Variants in PTGDR observed in about 807,000 individuals in gnomAD.
PTGDR encodes PGD2 receptor.
A neutral mutation model predicts 17.4 loss-of-function variants in PTGDR; 19 were observed. The observed-to-expected ratio is 1.09, with a 90% CI of 0.76 to 1.60. PTGDR has a LOEUF of 1.60. Among genes scored for constraint, PTGDR ranks in the 40% most tolerant of loss-of-function variants. The pLI is 0.00. For missense variants in PTGDR, 526 were observed against 481.9 expected, an observed-to-expected ratio of 1.09 and a Z score of -0.86; for synonymous variants, 267 against 224.2, an observed-to-expected ratio of 1.19 and a Z score of -1.71.
intron 1 of PTGDR, among the ~76,000 whole-genome samples, chr14:52,270,434 T>G (rs1165740954): frequency 1.3e-5 from 2 of 152,070 alleles, no homozygotes; most frequent in Non-Finnish European, 2.9e-5. Context: ...TCCCAGCTTC[T>G]CAGGAGGCTG....
At position 52,268,006 on chromosome 14, in the gene PTGDR, G is replaced by T; in HGVS notation, c.192G>T (p.Leu64=). Residue 64 remains leucine, a synonymous_variant, in exon 1 of 2, where the codon CTG becomes CTT. Transcript: ENST00000306051. ...CGCTGCCCTCGGTCTTCTACATGCT[G>T]GTGTGTGGCCTGACGGTCACCGACT... ...LRPLPSVFYM[L]VCGLTVTDLL... 6.2e-7 allele frequency: 1 copy of T among 1,610,372 alleles called. No individual in the cohort carries two copies. Among genetic ancestry groups the T allele is most frequent in the Admixed American group, 1.7e-5 (1 of 60,026 alleles).
chr14:52,273,219 GC>G (rs1330116115), intron 1 of PTGDR, among the ~76,000 whole-genome samples: 1 of 151,782 alleles, frequency 6.6e-6, no homozygotes, highest in Non-Finnish European at 1.5e-5. Flanking sequence ...CACCATGTTG[GC>G]CAGGCTGGTC....
At chr14:52,268,742 G>A (rs1304547312) in intron 1 of PTGDR, 82 bp downstream of exon 1, 3 of 1,421,564 alleles carry the variant, frequency 2.1e-6, no homozygotes, top group Non-Finnish European at 2.8e-6. Context: ...AGCGGATCGG[G>A]ATGGACGCGG....
At chr14:52,272,006 T>C (rs1456204887) in intron 1 of PTGDR, among the ~76,000 whole-genome samples, 2 of 152,210 alleles carry the variant, frequency 1.3e-5, no homozygotes, top group Non-Finnish European at 2.9e-5. Context: ...CTCCTCAAAG[T>C]GGAGTGTGGC....
At chr14:52,274,278 T>A (rs2033377515) in intron 1 of PTGDR, among the ~76,000 whole-genome samples, 1 of 152,358 alleles carries the variant, frequency 6.6e-6, no homozygotes, top group East Asian at 1.9e-4. Context: ...TGTGACTTAT[T>A]TCTGAGAGAA....
chr14:52,268,531 C>CA lies in PTGDR; in HGVS notation c.718dup (p.Thr240AsnfsTer52), dbSNP rs2140001933. The CA allele has an allele frequency of 6.2e-7, 1 of 1,612,476 alleles. No individual in the cohort carries two copies. The highest frequency in any genetic ancestry group is 2.2e-5 in the East Asian group (1 of 44,866). ...GGCTGCAGCGGCACCCGCGCTCCTG[C>CA]ACCAGGGACTGTGCCGAGCCGCGCG... is the stretch of plus-strand genomic sequence containing the variant. On this transcript the variant is annotated frameshift_variant, in exon 1 of 2. Transcript: ENST00000306051. LOFTEE classifies it high-confidence loss of function.
Position 52,275,968 on chromosome 14 carries a change from A to T in PTGDR, c.*1004A>T, listed in dbSNP as rs2033417128. On this transcript the variant is annotated 3_prime_UTR_variant, in exon 2 of 2. Coordinates refer to ENST00000306051, the MANE Select transcript of PTGDR (RefSeq NM_000953.3). ...TTAACATCTACCTTAACAGCTACCT[A>T]TTACAGCCGTATTCTGCTGTCCGTG... 6.6e-6 allele frequency: 1 copy of T among 152,630 alleles called. No individual in the cohort carries two copies. Among genetic ancestry groups the T allele is most frequent in the South Asian group, 2.1e-4 (1 of 4,832 alleles). 9.5% of individuals were successfully genotyped at this position (152,630 alleles called of 1,614,324 possible).
chr14:52,277,139 A>G (rs1039501841), downstream of PTGDR, among the ~76,000 whole-genome samples: 2 of 152,226 alleles, frequency 1.3e-5, no homozygotes, highest in Non-Finnish European at 2.9e-5. Flanking sequence ...ATAAGACTCA[A>G]TCATGGTTCA....
chr14:52,269,545 C>T, intron 1 of PTGDR: 1 of 1,526,830 alleles, frequency 6.5e-7, no homozygotes, highest in Non-Finnish European at 8.8e-7. Flanking sequence ...TCCCAAGGTA[C>T]CTGTTCAACA....
chr14:52,269,621 T>C, intron 1 of PTGDR: 1 of 1,154,890 alleles, frequency 8.7e-7, no homozygotes, highest in African/African-American at 1.6e-5. Context: ...CTTCTGTGAA[T>C]AGGAAAGTTG....
At chr14:52,268,987 G>A (rs1192609481) in intron 1 of PTGDR, among the ~76,000 whole-genome samples, 5 of 151,994 alleles carry the variant, frequency 3.3e-5, no homozygotes, top group African/African-American at 1.2e-4. Context: ...TCATTTTTGC[G>A]CCTTAGGAGG....
At position 52,267,723 on chromosome 14, in the gene PTGDR, G is replaced by C. The variant is rs199923439; in HGVS notation, c.-92G>C. The C allele has an allele frequency of 9.0e-6, 13 of 1,437,656 alleles. No homozygotes were observed. Among genetic ancestry groups the C allele is most frequent in the African/African-American group, 2.9e-5 (2 of 68,454 alleles). 89.1% of individuals were successfully genotyped at this position (1,437,656 alleles called of 1,614,324 possible). On this transcript the variant is annotated 5_prime_UTR_variant, in exon 1 of 2. Coordinates refer to ENST00000306051, the MANE Select transcript of PTGDR (RefSeq NM_000953.3). ...GTGGCGCAGCTTCTCCGCCCGAGCC[G>C]CGCGCGGAGCTGCCGGGGGCTCCTT...
rs2033398715 is a variant in PTGDR at position 52,275,071 on chromosome 14, C to T, written c.*107C>T. On this transcript the variant is annotated 3_prime_UTR_variant, in exon 2 of 2. Transcript: ENST00000306051. ...TTACAATTTAAATCCTTAAAAGTTA[C>T]CTCCCATAACAAAAGCATGTATATG... The T allele has an allele frequency of 2.3e-6, 2 of 866,842 alleles. No individual in the cohort carries two copies. The highest frequency in any genetic ancestry group is 1.8e-5 in the South Asian group (1 of 54,670). 53.7% of individuals were successfully genotyped at this position (866,842 alleles called of 1,614,324 possible).
intron 1 of PTGDR, among the ~76,000 whole-genome samples, chr14:52,271,116 T>C (rs1213798573): frequency 6.6e-6 from 1 of 152,234 alleles, no homozygotes; most frequent in Non-Finnish European, 1.5e-5. Context: ...TCCTCATCTG[T>C]AAAATGATTA....
At position 52,276,512 on chromosome 14, in the gene PTGDR, G is replaced by C. The variant is rs201968681; in HGVS notation, c.*1548G>C. The stretch of plus-strand genomic sequence containing the variant: ...GAAAAAGCCAAATTAGGCATACAAG[G>C]AGTATGATTTAACAGTATGACATGA... On this transcript the variant is annotated 3_prime_UTR_variant, in exon 2 of 2. Coordinates refer to ENST00000306051, the MANE Select transcript of PTGDR (RefSeq NM_000953.3). The C allele has an allele frequency of 1.3e-5, 2 of 152,264 alleles. No individual in the cohort carries two copies. The highest frequency in any genetic ancestry group is 2.1e-4 in the South Asian group (1 of 4,826). 9.4% of individuals were successfully genotyped at this position (152,264 alleles called of 1,614,324 possible).
chr14:52,279,828 G>C (rs117862659), downstream of PTGDR, among the ~76,000 whole-genome samples: 1 of 150,586 alleles, frequency 6.6e-6, no homozygotes. Context: ...GTTTAGAACC[G>C]ATCATGCTCT....
Position 52,267,782 on chromosome 14 carries a change from AGCCTTCACTCCAGCCCTCTGCTCCC to A in PTGDR, c.-30_-6del. On this transcript the variant is annotated 5_prime_UTR_variant, in exon 1 of 2. Transcript: ENST00000306051. ...GGCGCCGGGGCCCTCGCCCTTCCGC[AGCCTTCACTCCAGCCCTCTGCTCCC>A]GCACGCCATGAAGTCGCCGTTCTAC... is the stretch of plus-strand genomic sequence containing the variant. 1 of 1,505,944 alleles carries A rather than the reference AGCCTTCACTCCAGCCCTCTGCTCCC, an allele frequency of 6.6e-7. No individual in the cohort carries two copies. The highest frequency in any genetic ancestry group is 1.4e-5 in the African/African-American group (1 of 71,616). The allele number at this position is 1,505,944 out of a possible 1,614,324, so 93.3% of individuals were successfully genotyped here.
In PTGDR at chr14:52,275,211, C is replaced by G. The variant is rs41312508; in HGVS notation, c.*247C>G. 8,536 of 413,646 alleles carry G rather than the reference C, an allele frequency of 0.021. 123 individuals carry two copies. Among genetic ancestry groups the G allele is most frequent in the Middle Eastern group, 0.034 (48 of 1,408 alleles). The allele number at this position is 413,646 out of a possible 1,614,324, so 25.6% of individuals were successfully genotyped here. A position where few individuals can be genotyped will look rare whatever the true frequency, so the allele number is the denominator to read the frequency against. ...CAACTAAAATTTTATATATTGTAACCAGTGTTAAAAGTCTTAAAAAACAAT... is the reference window on the plus strand; with the variant it reads ...CAACTAAAATTTTATATATTGTAACGAGTGTTAAAAGTCTTAAAAAACAAT... On this transcript the variant is annotated 3_prime_UTR_variant, in exon 2 of 2. Coordinates refer to ENST00000306051, the MANE Select transcript of PTGDR (RefSeq NM_000953.3).
chr14:52,274,810 T>C lies in PTGDR; in HGVS notation c.926T>C (p.Leu309Ser). The part of the protein sequence containing the change: ...TSEEAEDLRA[L>S]RFLSVISIVD... ...GAAGAAGCAGAAGACCTCCGAGCCT[T>C]GCGATTTCTATCTGTGATTTCAATT... The change falls in exon 2 of 2, where the codon TTG becomes TCG. Residue 309 changes from leucine (L) to serine (S), a missense_variant. Transcript: ENST00000306051. 1 of 1,613,476 alleles carries C rather than the reference T, an allele frequency of 6.2e-7. No individual in the cohort carries two copies. The highest frequency in any genetic ancestry group is 8.5e-7 in the Non-Finnish European group (1 of 1,179,366).
Sources: allele counts gnomAD v4.1 joint callset (sites outside exome capture counted in the v4.1 genomes callset), GRCh38; gene constraint gnomAD v4.1.1; transcripts MANE v1.5; gene names NCBI Gene and HGNC (gene_info 2026-07-23, HGNC 2026-07-21).